SLC27A5: variants seen among roughly 807,000 people sequenced by gnomAD.
The protein encoded by SLC27A5 is long-chain fatty acid transport protein 5.
Under a neutral mutation model 63.1 loss-of-function variants are expected in SLC27A5, and 47 were observed. The ratio of observed to expected loss-of-function variants is 0.74; its 90% CI spans 0.59 to 0.95. The LOEUF (loss-of-function observed/expected upper bound fraction) is 0.95, where lower values mean the gene tolerates loss of function less well. Among genes scored for constraint, SLC27A5 ranks in the 40% least tolerant of loss-of-function variants. SLC27A5 has a pLI of 0.00. For synonymous variants in SLC27A5, 391 were observed against 403.8 expected, an observed-to-expected ratio of 0.97 and a Z score of 0.38; for missense variants, 940 against 921.0, an observed-to-expected ratio of 1.02 and a Z score of -0.27.
chr19:58,511,839 A>T lies in SLC27A5; in HGVS notation c.117T>A (p.Asp39Glu), dbSNP rs1416949885. ...GCCCAAGTAGCACGCAACATGTGGG[A>T]TCCCCCAGGAGCCAGCGCAGGGTCA... ...VALTLRWLLG[D>E]PTCCVLLGLA... Residue 39 changes from aspartate to glutamate, a missense_variant, in exon 1 of 10, where the codon GAT becomes GAA. Transcript: ENST00000263093. 6.4e-7 allele frequency: 1 copy of T among 1,558,684 alleles called. No homozygotes were observed. Among genetic ancestry groups the T allele is most frequent in the East Asian group, 2.4e-5 (1 of 41,666 alleles).
intron 3 of SLC27A5, chr19:58,508,098 C>T (rs2053367161): frequency 6.6e-6 from 1 of 152,146 alleles, no homozygotes; most frequent in African/African-American, 2.4e-5. Flanking sequence ...TCTTACACCC[C>T]CTTCCCTTCT....
intron 3 of SLC27A5, among the ~76,000 whole-genome samples, chr19:58,504,175 T>A (rs977762395): frequency 6.6e-6 from 1 of 152,158 alleles, no homozygotes; most frequent in East Asian, 1.9e-4. Flanking sequence ...CTGGACATCA[T>A]ATGATATTAA....
intron 3 of SLC27A5, among the ~76,000 whole-genome samples, chr19:58,505,221 T>C (rs574416094): frequency 6.7e-6 from 1 of 149,256 alleles, no homozygotes; most frequent in South Asian, 2.2e-4. Context: ...TGCCTCAGCC[T>C]CCCTGGTAGC....
At chr19:58,509,684 C>T in intron 3 of SLC27A5, 163 bp downstream of exon 3, 2 of 616,468 alleles carry the variant, frequency 3.2e-6, no homozygotes, top group Admixed American at 3.3e-5. Flanking sequence ...GGTGTCCAAG[C>T]TTCTGTCCAT....
intron 3 of SLC27A5, among the ~76,000 whole-genome samples, chr19:58,502,926 G>GT (rs1568629104): frequency 5.3e-5 from 8 of 152,150 alleles, no homozygotes; most frequent in Non-Finnish European, 1.0e-4. Flanking sequence ...TGGATAGGTG[G>GT]CTGGGTGAGG....
At chr19:58,511,064 C>T (rs2053405231) in intron 1 of SLC27A5, 134 bp from the exon 2 acceptor site, 1 of 922,018 alleles carries the variant, frequency 1.1e-6, no homozygotes, top group Admixed American at 3.0e-5. Flanking sequence ...GTAAAGAATC[C>T]CATCATTAGT....
rs1255345359 is a variant in SLC27A5 at position 58,498,697 on chromosome 19, G to T, written c.1897-6C>A. 1.2e-6 allele frequency: 2 copies of T among 1,613,296 alleles called. No individual in the cohort carries two copies. Among genetic ancestry groups the T allele is most frequent in the East Asian group, 2.2e-5 (1 of 44,884 alleles). On this transcript the variant is annotated splice_region_variant and splice_polypyrimidine_tract_variant and intron_variant, in intron 9 of 9. Coordinates refer to ENST00000263093, the MANE Select transcript of SLC27A5 (RefSeq NM_012254.3). ...CTGGTGACCTCCATGGCGTCCTGCA[G>T]GGCAGTGACCATGGTCCAATCACTG...
In SLC27A5 at chr19:58,510,166, T is replaced by C. The variant is rs916507696; in HGVS notation, c.899-161A>G. 4.2e-5 allele frequency: 26 copies of C among 622,144 alleles called. No homozygotes were observed. In the African/African-American group the frequency reaches 4.9e-4, roughly 12 times the overall value. 38.5% of individuals were successfully genotyped at this position (622,144 alleles called of 1,614,324 possible). ...TTGTGGTTGGGTTCACAGGCTGAAT[T>C]TGGACTGAAAGTAATATGTCAAGAT... is the stretch of plus-strand genomic sequence containing the variant. On this transcript the variant is annotated intron_variant, in intron 2 of 9. Coordinates refer to ENST00000263093, the MANE Select transcript of SLC27A5 (RefSeq NM_012254.3).
intron 9 of SLC27A5, 43 bp from the exon 10 acceptor site, chr19:58,498,734 CG>C: frequency 6.2e-7 from 1 of 1,610,074 alleles, no homozygotes; most frequent in East Asian, 2.2e-5. Flanking sequence ...GACATCCACC[CG>C]CCCCCTGGCT....
chr19:58,500,425 A>G lies in SLC27A5; in HGVS notation c.1382T>C (p.Leu461Pro). ...LGKMSCLLRM[L>P]SPFELVQFDM... ...GAACTGCACCAGCTCAAAGGGGGAC[A>G]GCATCTGGGGTGGAGGGTGGAGTGT... Residue 461 changes from leucine to proline, a missense_variant, in exon 6 of 10, where the codon CTG (leucine) becomes CCG (proline). Transcript: ENST00000263093. The G allele has an allele frequency of 1.9e-6, 3 of 1,613,908 alleles. No individual in the cohort carries two copies. The highest frequency in any genetic ancestry group is 2.5e-6 in the Non-Finnish European group (3 of 1,180,002).
chr19:58,499,385 G>C (rs1600026646), intron 7 of SLC27A5, 107 bp downstream of exon 7: 1 of 1,377,314 alleles, frequency 7.3e-7, no homozygotes, highest in Admixed American at 2.1e-5. Flanking sequence ...TCCAAGTTCC[G>C]CCCTCTTACG....
chr19:58,510,181 T>C lies in SLC27A5; in HGVS notation c.899-176A>G. On this transcript the variant is annotated intron_variant, in intron 2 of 9. Coordinates refer to ENST00000263093, the MANE Select transcript of SLC27A5 (RefSeq NM_012254.3). The stretch of plus-strand genomic sequence containing the variant: ...CAGGCTGAATTTGGACTGAAAGTAA[T>C]ATGTCAAGATCAAAGGTTTCAGTGG... The C allele has an allele frequency of 1.2e-5, 7 of 576,092 alleles. No homozygotes were observed. In the South Asian group the frequency reaches 1.7e-4, roughly 14 times the overall value. 35.7% of individuals were successfully genotyped at this position (576,092 alleles called of 1,614,324 possible).
chr19:58,498,746 A>G, intron 9 of SLC27A5, 39 bp downstream of exon 9: 2 of 1,610,772 alleles, frequency 1.2e-6, no homozygotes, highest in South Asian at 2.2e-5. Flanking sequence ...CCCCCTGGCT[A>G]TGATCTTCCA....
At chr19:58,502,938 T>TGG (rs1568629197) in intron 3 of SLC27A5, among the ~76,000 whole-genome samples, 3 of 228 alleles carry the variant, frequency 0.013, no homozygotes, top group Non-Finnish European at 0.029. Flanking sequence ...TGGGTGAGGA[T>TGG]CGTCACGCCT....
chr19:58,504,083 C>G (rs535909231), intron 3 of SLC27A5, among the ~76,000 whole-genome samples: 7 of 152,314 alleles, frequency 4.6e-5, no homozygotes, highest in African/African-American at 1.7e-4. Context: ...CAACTGTACT[C>G]CAGCCTGGGT....
rs2053387566 is a variant in SLC27A5, at chr19:58,509,676, T to C, written c.1057+171A>G. On this transcript the variant is annotated intron_variant, in intron 3 of 9. Transcript: ENST00000263093. ...GCATGGCCATCAGGGACTGTGTGGGTGTCCAAGCTTCTGTCCATGCGGCCC... is the reference window on the plus strand; with the variant it reads ...GCATGGCCATCAGGGACTGTGTGGGCGTCCAAGCTTCTGTCCATGCGGCCC... 3.4e-5 allele frequency: 19 copies of C among 566,308 alleles called. No individual in the cohort carries two copies. In the South Asian group the frequency reaches 4.9e-4, roughly 15 times the overall value. The allele number at this position is 566,308 out of a possible 1,614,324, so 35.1% of individuals were successfully genotyped here.
In SLC27A5 at chr19:58,498,414, C is replaced by T; in HGVS notation, c.*101G>A. ...CAGCCCACTGAGGTTGAGGGTATGG[C>T]CAGGCTGGGATTCACACAGGCCCAG... On this transcript the variant is annotated 3_prime_UTR_variant, in exon 10 of 10. Transcript: ENST00000263093. 7.9e-7 allele frequency: 1 copy of T among 1,260,358 alleles called. No homozygotes were observed. Among genetic ancestry groups the T allele is most frequent in the Non-Finnish European group, 1.1e-6 (1 of 922,184 alleles). The allele number at this position is 1,260,358 out of a possible 1,614,324, so 78.1% of individuals were successfully genotyped here. A position where few individuals can be genotyped will look rare whatever the true frequency, so the allele number is the denominator to read the frequency against.
intron 6 of SLC27A5, among the ~76,000 whole-genome samples, chr19:58,500,061 G>A (rs1214851519): frequency 6.6e-6 from 1 of 152,004 alleles, no homozygotes; most frequent in East Asian, 1.9e-4. Context: ...CTGGAATGCC[G>A]TCTTCCACAG....
In SLC27A5 at chr19:58,511,940, G is replaced by T; in HGVS notation, c.16C>A (p.Gln6Lys). 1 of 1,540,278 alleles carries T rather than the reference G, an allele frequency of 6.5e-7. No homozygotes were observed. Residue 6 changes from glutamine to lysine, a missense_variant, in exon 1 of 10, where the codon CAG becomes AAG. Transcript: ENST00000263093. Reference protein sequence around the residue: MGVRQQLALLLLLLLL... With the variant: MGVRQKLALLLLLLLL... ...AGCAGCAGCAGCAGCAAGGCCAACT[G>T]TTGCCTGACACCCATGGTACCAGCT...
Sources: allele counts gnomAD v4.1 joint callset (sites outside exome capture counted in the v4.1 genomes callset), GRCh38; gene constraint gnomAD v4.1.1; transcripts MANE v1.5; gene names NCBI Gene and HGNC (gene_info 2026-07-23, HGNC 2026-07-21).